Variants in WDPCP observed in about 807,000 individuals in gnomAD.
WDPCP encodes WD repeat containing planar cell polarity effector, also known as WD repeat-containing and planar cell polarity effector protein fritz homolog.
In WDPCP, 71 loss-of-function variants were observed where a neutral mutation model predicts 93.1. The ratio of observed to expected loss-of-function variants is 0.76; its 90% CI spans 0.63 to 0.93. The LOEUF (loss-of-function observed/expected upper bound fraction) is 0.93. WDPCP is among the 40% of genes least tolerant of loss of function. The probability of loss-of-function intolerance (pLI) is 0.00; values close to 1 mark genes in which losing one functional copy is unlikely to be tolerated. For missense variants in WDPCP, 844 were observed against 887.4 expected (o/e 0.95, Z 0.62); for synonymous variants, 315 against 315.0 (o/e 1.00, Z 0.00).
intron 17 of WDPCP, among the ~76,000 whole-genome samples, chr2:63,123,440 T>G (rs1407797907): frequency 6.6e-6 from 1 of 152,168 alleles, no homozygotes; most frequent in Non-Finnish European, 1.5e-5. Flanking sequence ...ATCCATGATT[T>G]AATCCTCTCT....
intron 6 of WDPCP, among the ~76,000 whole-genome samples, chr2:63,480,417 C>T (rs1435783551): frequency 2.0e-5 from 3 of 151,958 alleles, no homozygotes; most frequent in Non-Finnish European, 4.4e-5. Context: ...AAAAAGGGCC[C>T]GCATAGCCAA....
chr2:63,690,033 C>T (rs1668868026), intron 2 of WDPCP, among the ~76,000 whole-genome samples: 1 of 152,090 alleles, frequency 6.6e-6, no homozygotes, highest in African/African-American at 2.4e-5. Context: ...GGTGGATACC[C>T]CTGAATGAGT....
At chr2:63,228,463 G>A (rs1471707774) in intron 14 of WDPCP, 2 of 134,316 alleles carry the variant, frequency 1.5e-5, no homozygotes, top group Non-Finnish European at 3.1e-5. Context: ...TTAAGTTTTA[G>A]GGTACATGTG....
intron 17 of WDPCP, among the ~76,000 whole-genome samples, chr2:63,128,138 CAA>C (rs982303538): frequency 6.6e-6 from 1 of 151,268 alleles, no homozygotes; most frequent in Admixed American, 6.6e-5. Flanking sequence ...TACTCCACCT[CAA>C]AAAAAATTAA....
chr2:63,820,755 TC>T (rs1671006779), intron 1 of WDPCP, among the ~76,000 whole-genome samples: 1 of 152,104 alleles, frequency 6.6e-6, no homozygotes, highest in African/African-American at 2.4e-5. Context: ...ATCTTAGTTA[TC>T]CATACCAATA....
chr2:63,264,876 G>C (rs774542542), intron 13 of WDPCP, among the ~76,000 whole-genome samples: 37 of 152,162 alleles, frequency 2.4e-4, no homozygotes, highest in African/African-American at 3.9e-4. Flanking sequence ...TATATTTTCT[G>C]ACCACGATGG....
intron 10 of WDPCP, among the ~76,000 whole-genome samples, chr2:63,394,366 A>G (rs553149589): frequency 2.6e-4 from 31 of 118,606 alleles, no homozygotes; most frequent in African/African-American, 9.1e-4. Flanking sequence ...AATGGCTATT[A>G]TTAATAAGCT....
intron 1 of WDPCP, among the ~76,000 whole-genome samples, chr2:63,826,385 C>T (rs143512861): frequency 6.6e-6 from 1 of 151,502 alleles, no homozygotes; most frequent in African/African-American, 2.4e-5. Flanking sequence ...TGACTTAGCA[C>T]AATTCTCAGT....
chr2:63,763,087 G>T (rs551674474), intron 2 of WDPCP, among the ~76,000 whole-genome samples: 1 of 152,110 alleles, frequency 6.6e-6, no homozygotes, highest in Non-Finnish European at 1.5e-5. Flanking sequence ...TTTGAAACAT[G>T]ATCATCTATA....
intron 2 of WDPCP, among the ~76,000 whole-genome samples, chr2:63,675,220 C>T (rs943356506): frequency 6.6e-6 from 1 of 152,120 alleles, no homozygotes; most frequent in African/African-American, 2.4e-5. Flanking sequence ...GCCTACATGC[C>T]TCCTTCATTG....
intron 13 of WDPCP, among the ~76,000 whole-genome samples, chr2:63,291,966 T>C (rs1187295821): frequency 6.6e-6 from 1 of 150,862 alleles, no homozygotes; most frequent in Non-Finnish European, 1.5e-5. Context: ...ACCCCGTCTG[T>C]ACTAAAAATA....
chr2:63,650,448 C>G (rs1019495244), intron 3 of WDPCP, among the ~76,000 whole-genome samples: 1 of 152,220 alleles, frequency 6.6e-6, no homozygotes, highest in African/African-American at 2.4e-5. Context: ...TCCTTCAGGA[C>G]TTGCCCCGCC....
intron 3 of WDPCP, among the ~76,000 whole-genome samples, chr2:63,595,956 G>A (rs565084444): frequency 6.6e-6 from 1 of 152,232 alleles, no homozygotes; most frequent in African/African-American, 2.4e-5. Context: ...CATTGCTCTG[G>A]AAGTTGGTTG....
At chr2:63,197,062 C>T (rs1027890753) in intron 14 of WDPCP, among the ~76,000 whole-genome samples, 4 of 152,136 alleles carry the variant, frequency 2.6e-5, no homozygotes, top group Admixed American at 1.3e-4. Flanking sequence ...CATAAAGTTA[C>T]ACCAAGTATG....
intron 6 of WDPCP, among the ~76,000 whole-genome samples, chr2:63,461,376 G>T (rs1344995773): frequency 6.6e-6 from 1 of 152,060 alleles, no homozygotes; most frequent in Non-Finnish European, 1.5e-5. Flanking sequence ...ACTCTCTCTT[G>T]CTCTAGCTCC....
intron 2 of WDPCP, among the ~76,000 whole-genome samples, chr2:63,766,325 A>G (rs1020360580): frequency 7.2e-5 from 11 of 152,012 alleles, no homozygotes; most frequent in Non-Finnish European, 1.3e-4. Flanking sequence ...AAATATGCCC[A>G]AATATTAAAT....
chr2:63,321,733 A>T (rs7559137), intron 12 of WDPCP, among the ~76,000 whole-genome samples: 4 of 151,966 alleles, frequency 2.6e-5, no homozygotes, highest in Non-Finnish European at 5.9e-5. Context: ...ATCCCTGCTT[A>T]GTTTGTATTT....
At chr2:63,512,303 T>A (rs1484408730) in intron 1 of WDPCP, among the ~76,000 whole-genome samples, 1 of 152,134 alleles carries the variant, frequency 6.6e-6, no homozygotes, top group Non-Finnish European at 1.5e-5. Context: ...GGAGTGTAAA[T>A]TAGTTCAGTC....
At chr2:63,357,019 G>A (rs1173643190) in intron 12 of WDPCP, among the ~76,000 whole-genome samples, 1 of 152,190 alleles carries the variant, frequency 6.6e-6, no homozygotes, top group African/African-American at 2.4e-5. Context: ...TATAAGCAAT[G>A]GGGAAGAGAG....
Sources: allele counts gnomAD v4.1 joint callset (sites outside exome capture counted in the v4.1 genomes callset), GRCh38; gene constraint gnomAD v4.1.1; transcripts MANE v1.5; gene names NCBI Gene and HGNC (gene_info 2026-07-23, HGNC 2026-07-21).